SYN3: variants seen among roughly 807,000 people sequenced by gnomAD.
SYN3 encodes the protein synapsin III.
SYN3 carries 35 observed loss-of-function variants against 65.8 expected under a neutral mutation model. That is an observed-to-expected ratio of 0.53 (90% CI 0.41 to 0.70). The LOEUF is 0.70. SYN3 is among the 30% of genes least tolerant of loss of function. SYN3 has a pLI of 0.00. For synonymous variants in SYN3, 270 were observed against 292.9 expected, an observed-to-expected ratio of 0.92 and a Z score of 0.80; for missense variants, 680 against 749.0, an observed-to-expected ratio of 0.91 and a Z score of 1.08.
intron 6 of SYN3, among the ~76,000 whole-genome samples, chr22:32,757,486 G>A (rs1401983100): frequency 2.6e-5 from 4 of 151,960 alleles, no homozygotes; most frequent in Non-Finnish European, 5.9e-5. Context: ...TAGCAGAGAC[G>A]GGGTTTTTCC....
At chr22:32,667,794 C>CTT (rs1341158081) in intron 6 of SYN3, among the ~76,000 whole-genome samples, 1 of 147,854 alleles carries the variant, frequency 6.8e-6, no homozygotes, top group Non-Finnish European at 1.5e-5. Context: ...TTCTTTCTTT[C>CTT]TTTCTTTTTT....
At chr22:32,948,838 G>C (rs948377758) in intron 3 of SYN3, among the ~76,000 whole-genome samples, 2 of 149,376 alleles carry the variant, frequency 1.3e-5, no homozygotes, top group African/African-American at 4.9e-5. Flanking sequence ...CATTAAGTTT[G>C]GAAACATTTT....
At chr22:32,914,643 C>T (rs1453473759) in intron 4 of SYN3, among the ~76,000 whole-genome samples, 2 of 151,836 alleles carry the variant, frequency 1.3e-5, no homozygotes, top group African/African-American at 2.4e-5. Flanking sequence ...AGGGTTTCAC[C>T]GTGTTAGCCA....
intron 5 of SYN3, among the ~76,000 whole-genome samples, chr22:32,865,377 T>C (rs2048663159): frequency 6.6e-6 from 1 of 152,146 alleles, no homozygotes; most frequent in African/African-American, 2.4e-5. Flanking sequence ...CGCTGCATGG[T>C]AATTGATGGT....
At chr22:32,535,357 C>T (rs1044561922) in intron 9 of SYN3, among the ~76,000 whole-genome samples, 1 of 152,176 alleles carries the variant, frequency 6.6e-6, no homozygotes, top group African/African-American at 2.4e-5. Context: ...TCAGAATCAC[C>T]AGGAGAGTTA....
intron 7 of SYN3, among the ~76,000 whole-genome samples, chr22:32,592,165 T>C (rs2059136469): frequency 6.6e-6 from 1 of 152,226 alleles, no homozygotes; most frequent in Non-Finnish European, 1.5e-5. Context: ...ATTGACATTT[T>C]GGGGCAGTAC....
intron 6 of SYN3, among the ~76,000 whole-genome samples, chr22:32,671,236 A>G (rs1350704811): frequency 6.6e-6 from 1 of 151,678 alleles, no homozygotes; most frequent in East Asian, 1.9e-4. Context: ...GCCCATTTTC[A>G]CACACACACA....
chr22:32,825,656 TC>T (rs2047383089), intron 6 of SYN3, among the ~76,000 whole-genome samples: 3 of 56,988 alleles, frequency 5.3e-5, no homozygotes, highest in African/African-American at 2.1e-4. Context: ...AGTTTCCATC[TC>T]AAAAAAAAAA....
At chr22:32,525,635 G>A (rs778700906) in intron 12 of SYN3, among the ~76,000 whole-genome samples, 36 of 151,752 alleles carry the variant, frequency 2.4e-4, no homozygotes, top group Non-Finnish European at 4.7e-4. Flanking sequence ...GCATGAACCC[G>A]GGAAAGCGGA....
Position 32,802,130 on chromosome 22 carries a change from C to T in SYN3, c.711+62785G>A, listed in dbSNP as rs1327928164. 2.5e-6 allele frequency: 4 copies of T among 1,578,274 alleles called. No individual in the cohort carries two copies. The highest frequency in any genetic ancestry group is 2.3e-5 in the South Asian group (2 of 87,122). On this transcript the variant is annotated intron_variant, in intron 6 of 13. Coordinates refer to ENST00000358763, the MANE Select transcript of SYN3 (RefSeq NM_003490.4). ...TCTGCAACTCCGACATCGGTAAGCG[C>T]TCCTGGTGCCCCGCCCGAGCCCCAC...
At chr22:32,586,428 T>C (rs1247520976) in intron 7 of SYN3, among the ~76,000 whole-genome samples, 1 of 152,242 alleles carries the variant, frequency 6.6e-6, no homozygotes, top group Non-Finnish European at 1.5e-5. Context: ...CCAATGGTAC[T>C]GTATAACTCA....
chr22:32,624,045 A>G (rs1404895127), intron 6 of SYN3, among the ~76,000 whole-genome samples: 1 of 152,184 alleles, frequency 6.6e-6, no homozygotes, highest in Non-Finnish European at 1.5e-5. Flanking sequence ...TCCTTCTATG[A>G]GGCAATCCTC....
chr22:32,926,223 A>T (rs886901532), intron 4 of SYN3, among the ~76,000 whole-genome samples: 3 of 152,180 alleles, frequency 2.0e-5, no homozygotes, highest in African/African-American at 7.2e-5. Context: ...AGGGAAGCAG[A>T]CACGAGTACA....
chr22:32,974,540 A>T lies in SYN3; in HGVS notation c.369+6105T>A, dbSNP rs145393920. On this transcript the variant is annotated intron_variant, in intron 3 of 13. Coordinates refer to ENST00000358763, the MANE Select transcript of SYN3 (RefSeq NM_003490.4). ...CGAATCCTCTTTCCTTATTGGCCTT[A>T]GTTTCCCTTACTCCAATCCCTTTTC... Among the ~76,000 whole-genome samples, 556 of 152,270 alleles carry T rather than the reference A, an allele frequency of 3.7e-3. 3 individuals are homozygous for T. The highest frequency in any genetic ancestry group is 0.013 in the African/African-American group (531 of 41,550).
intron 6 of SYN3, among the ~76,000 whole-genome samples, chr22:32,667,475 G>A (rs2060304201): frequency 1.3e-5 from 2 of 152,122 alleles, no homozygotes; most frequent in Non-Finnish European, 2.9e-5. Context: ...ACCAGTCCCT[G>A]CTGATCACAC....
At chr22:32,568,661 G>A (rs368327083) in intron 7 of SYN3, among the ~76,000 whole-genome samples, 2 of 152,108 alleles carry the variant, frequency 1.3e-5, no homozygotes, top group African/African-American at 4.8e-5. Flanking sequence ...ATTCCTCAGG[G>A]ATCTGCCCTC....
At chr22:32,586,084 GTA>G (rs1491153121) in intron 7 of SYN3, among the ~76,000 whole-genome samples, 40 of 96,534 alleles carry the variant, frequency 4.1e-4, no homozygotes, top group African/African-American at 1.1e-3. Flanking sequence ...ATGTATACAT[GTA>G]TATATGTATA....
chr22:33,054,574 C>A (rs924732093), intron 1 of SYN3, among the ~76,000 whole-genome samples: 2 of 152,178 alleles, frequency 1.3e-5, no homozygotes. Flanking sequence ...AGTCCCACTT[C>A]CCCCTCAGAT....
chr22:32,685,377 A>G (rs2060576135), intron 6 of SYN3, among the ~76,000 whole-genome samples: 1 of 152,248 alleles, frequency 6.6e-6, no homozygotes, highest in Non-Finnish European at 1.5e-5. Context: ...CGAAAGCCTC[A>G]GAAATATAGT....
Sources: gnomAD v4.1 joint callset for allele counts (sites outside exome capture counted in the v4.1 genomes callset) on GRCh38, gnomAD v4.1.1 for gene constraint, MANE v1.5 for transcripts, NCBI Gene and HGNC (gene_info 2026-07-23, HGNC 2026-07-21) for gene names.